Variants in DIDO1 observed in about 807,000 individuals in gnomAD.
The protein encoded by DIDO1 is death-inducer obliterator 1.
In DIDO1, 16 loss-of-function variants were observed where a neutral mutation model predicts 99.4. The ratio of observed to expected loss-of-function variants is 0.16; its 90% CI spans 0.11 to 0.24. The LOEUF (loss-of-function observed/expected upper bound fraction) is 0.24. Ranked by LOEUF, DIDO1 falls within the 10% of genes least tolerant of loss-of-function variation. The pLI, the probability that DIDO1 is intolerant of heterozygous loss-of-function variation, is 1.00. For synonymous variants in DIDO1, 1,366 were observed against 1,239.1 expected, an observed-to-expected ratio of 1.10 and a Z score of -2.15; for missense variants, 2,996 against 3,014.0, an observed-to-expected ratio of 0.99 and a Z score of 0.14.
upstream of DIDO1, among the ~76,000 whole-genome samples, chr20:62,930,555 C>A (rs1315474529): frequency 1.3e-5 from 2 of 152,154 alleles, no homozygotes; most frequent in Non-Finnish European, 2.9e-5. Context: ...GAGAATCATA[C>A]CAATTTTCTG....
At position 62,896,843 on chromosome 20, in the gene DIDO1, G is replaced by A. The variant is rs1186618978; in HGVS notation, c.1742C>T (p.Pro581Leu). Residue 581 changes from proline to leucine, a missense_variant, in exon 7 of 16, where the codon CCA becomes CTA. Coordinates refer to ENST00000395343, the MANE Select transcript of DIDO1 (RefSeq NM_001193369.2). The surrounding 1 kb of genome is among the most constrained non-coding windows in gnomAD (Gnocchi z 4.4). ...ACCTGAGGGTGGCTTTTTAATGGCT[G>A]GTGTGGCTGCTGCCACATTAGCAAA... The part of the protein sequence containing the change: ...SSFANVAAAT[P>L]AIKKPPSGFK... 1.2e-6 allele frequency: 2 copies of A among 1,614,000 alleles called. No homozygotes were observed. Among genetic ancestry groups the A allele is most frequent in the South Asian group, 2.2e-5 (2 of 91,088 alleles).
chr20:62,936,416 G>A (rs147180665), intron 1 of DIDO1, among the ~76,000 whole-genome samples: 1,565 of 152,216 alleles, frequency 0.01, 14 homozygotes, highest in South Asian at 0.024. Flanking sequence ...GTAGCCGGGC[G>A]TGGTGGCGGG....
At chr20:62,893,156 G>A (rs1370359500) in intron 12 of DIDO1, among the ~76,000 whole-genome samples, 194 bp from the exon 13 acceptor site, 1 of 152,040 alleles carries the variant, frequency 6.6e-6, no homozygotes, top group Admixed American at 6.5e-5. Flanking sequence ...CTTTCAAGTA[G>A]CTGGGACTAC....
chr20:62,925,884 C>T (rs2065242662), intron 1 of DIDO1, among the ~76,000 whole-genome samples: 1 of 152,252 alleles, frequency 6.6e-6, no homozygotes, highest in South Asian at 2.1e-4. Flanking sequence ...AAAAGCGAAT[C>T]CGGGCTCTTC....
chr20:62,902,425 C>T (rs1214251688), intron 6 of DIDO1, among the ~76,000 whole-genome samples: 1 of 152,184 alleles, frequency 6.6e-6, no homozygotes, highest in Non-Finnish European at 1.5e-5. Context: ...AGTCTGATGA[C>T]TCCCAGTCTC....
intron 6 of DIDO1, among the ~76,000 whole-genome samples, chr20:62,898,318 C>T (rs762051316): frequency 4.6e-5 from 7 of 152,190 alleles, no homozygotes; most frequent in Non-Finnish European, 8.8e-5. Flanking sequence ...CGGGTGCCAG[C>T]CCTCCCCAGC....
Position 62,880,182 on chromosome 20 carries a change from C to G in DIDO1, c.5774G>C (p.Gly1925Ala). The change falls in exon 16 of 16, where the codon GGC becomes GCC. Residue 1925 changes from glycine (G) to alanine (A), a missense_variant. By Grantham distance (60) the Gly-to-Ala change is moderately conservative. Transcript: ENST00000395343. ...QRGPPPGHFV[G>A]PRGPHPSQFE... ...CTGACTAGGATGGGGCCCTCTTGGG[C>G]CCACGAAATGACCAGGGGGTGGTCC... The G allele has an allele frequency of 2.5e-6, 4 of 1,612,424 alleles. No homozygotes were observed. Among genetic ancestry groups the G allele is most frequent in the Non-Finnish European group, 3.4e-6 (4 of 1,179,894 alleles).
rs767253826 is a variant in DIDO1, at chr20:62,910,866, C to G, written c.747G>C (p.Glu249Asp). Residue 249 changes from glutamate (E) to aspartate (D), a missense_variant, in exon 3 of 16, where the codon GAG (glutamate) becomes GAC (aspartate). Glu to Asp is a conservative substitution (Grantham distance 45, BLOSUM62 2). Coordinates refer to ENST00000395343, the MANE Select transcript of DIDO1 (RefSeq NM_001193369.2). ...EGKAAQDIKD[E>D]EPGDLGRPKP... ...TCGGTCGGCCCAAGTCTCCAGGCTC[C>G]TCATCTTTGATGTCCTGAGCCGCCT... is the stretch of plus-strand genomic sequence containing the variant. The G allele has an allele frequency of 3.7e-6, 6 of 1,614,032 alleles. No homozygotes were observed. The highest frequency in any genetic ancestry group is 5.1e-6 in the Non-Finnish European group (6 of 1,180,024).
At chr20:62,908,153 A>T (rs570648956) in intron 4 of DIDO1, among the ~76,000 whole-genome samples, 87 of 151,722 alleles carry the variant, frequency 5.7e-4, no homozygotes, top group African/African-American at 1.8e-3. Context: ...CTCATTATTT[A>T]TTTTTTTGTA....
chr20:62,905,583 T>C (rs2064783684), intron 6 of DIDO1: 2 of 1,551,048 alleles, frequency 1.3e-6, no homozygotes, highest in Non-Finnish European at 8.7e-7. Context: ...ATGAAGAGAA[T>C]ACGAATACTT....
chr20:62,897,299 T>C (rs2064558399), intron 6 of DIDO1, among the ~76,000 whole-genome samples: 1 of 152,224 alleles, frequency 6.6e-6, no homozygotes, highest in Non-Finnish European at 1.5e-5. Context: ...CTAGCTAAGC[T>C]TCAAAGCTGA....
intron 15 of DIDO1, chr20:62,890,510 T>C: frequency 1.0e-6 from 1 of 994,578 alleles, no homozygotes; most frequent in Non-Finnish European, 1.2e-6. Flanking sequence ...AATAGTTTTC[T>C]ATGTCATTAT....
intron 1 of DIDO1, among the ~76,000 whole-genome samples, chr20:62,925,645 A>G (rs2065237523): frequency 6.6e-6 from 1 of 152,220 alleles, no homozygotes; most frequent in African/African-American, 2.4e-5. Flanking sequence ...TAGAGCAGAA[A>G]AGCCGGCCTT....
chr20:62,935,436 G>A (rs2065372668), intron 1 of DIDO1, among the ~76,000 whole-genome samples: 1 of 152,124 alleles, frequency 6.6e-6, no homozygotes, highest in East Asian at 1.9e-4. Context: ...CAACCACACG[G>A]ACCGTGTGCT....
rs1030466332 is a variant in DIDO1 at position 62,883,549 on chromosome 20, G to A, written c.3542-1135C>T. Among the ~76,000 whole-genome samples, 5 of 152,210 alleles carry A rather than the reference G, an allele frequency of 3.3e-5. No homozygotes were observed. The East Asian group carries it at 7.8e-4, about 24-fold the overall frequency. On this transcript the variant is annotated intron_variant, in intron 15 of 15. Coordinates refer to ENST00000395343, the MANE Select transcript of DIDO1 (RefSeq NM_001193369.2). ...CTACTAAGAATACAAAAATTGGGCC[G>A]GGTACGGTGGCTCACGCCTGTAATC...
intron 1 of DIDO1, among the ~76,000 whole-genome samples, chr20:62,933,938 ACAACT>A (rs1215887982): frequency 1.3e-5 from 2 of 152,220 alleles, no homozygotes; most frequent in African/African-American, 4.8e-5. Flanking sequence ...TCAATATGAA[ACAACT>A]CAAGTTCAAA....
At chr20:62,918,859 C>A (rs1048420448) in intron 1 of DIDO1, among the ~76,000 whole-genome samples, 11 of 152,138 alleles carry the variant, frequency 7.2e-5, no homozygotes, top group Admixed American at 3.3e-4. Context: ...TGAGAAGACA[C>A]TAGGTAAAAG....
chr20:62,936,640 C>T (rs557717391), intron 1 of DIDO1, among the ~76,000 whole-genome samples: 19 of 152,224 alleles, frequency 1.2e-4, no homozygotes, highest in Non-Finnish European at 2.4e-4. Flanking sequence ...CCGAGGCGGG[C>T]GGATCACGAG....
At chr20:62,889,672 G>A (rs761965524) in intron 15 of DIDO1, 59 of 985,316 alleles carry the variant, frequency 6.0e-5, no homozygotes, top group Non-Finnish European at 6.6e-5. Context: ...GTCACGTGGA[G>A]CTGGCCAGAG....
Sources: allele counts gnomAD v4.1 joint callset (sites outside exome capture counted in the v4.1 genomes callset), GRCh38; gene constraint gnomAD v4.1.1; non-coding constraint Gnocchi (gnomAD v3.1); transcripts MANE v1.5; gene names NCBI Gene and HGNC (gene_info 2026-07-23, HGNC 2026-07-21).